VRK1: variants seen among roughly 807,000 people sequenced by gnomAD.
The protein encoded by VRK1 is VRK serine/threonine kinase 1.
A neutral mutation model predicts 57.1 loss-of-function variants in VRK1; 33 were observed. The ratio of observed to expected loss-of-function variants is 0.58; its 90% confidence interval spans 0.44 to 0.77. The LOEUF (loss-of-function observed/expected upper bound fraction) is 0.77, where lower values mean the gene tolerates loss of function less well. VRK1 is among the 30% of genes least tolerant of loss of function. The pLI is 0.00. For missense variants in VRK1, 413 were observed against 477.3 expected, an observed-to-expected ratio of 0.87 and a Z score of 1.25; for synonymous variants, 137 against 147.8, an observed-to-expected ratio of 0.93 and a Z score of 0.53.
intron 11 of VRK1, among the ~76,000 whole-genome samples, chr14:96,867,590 T>C (rs1888636484): frequency 6.6e-6 from 1 of 152,146 alleles, no homozygotes; most frequent in African/African-American, 2.4e-5. Flanking sequence ...GCTTGAACAA[T>C]TTATTTTCTG....
chr14:96,819,256 A>G (rs1886506473), intron 1 of VRK1, among the ~76,000 whole-genome samples: 1 of 152,230 alleles, frequency 6.6e-6, no homozygotes, highest in Admixed American at 6.5e-5. Flanking sequence ...CTCCTCCTAA[A>G]TCACTCATGA....
intron 7 of VRK1, 72 bp downstream of exon 7, chr14:96,853,238 T>C: frequency 7.3e-7 from 1 of 1,364,212 alleles, no homozygotes; most frequent in Non-Finnish European, 1.0e-6. Context: ...CTTTGAACTT[T>C]TGAACCTGTG....
rs554160230 is a variant in VRK1 at position 96,810,497 on chromosome 14, A to G, written c.-6+13050A>G. 4.1e-4 allele frequency among the ~76,000 whole-genome samples: 62 copies of G among 152,330 alleles called. No homozygotes were observed. The South Asian group carries it at 8.1e-3, about 20-fold the overall frequency. ...GGAATTTGTTTGTGTGTTATGAGGT[A>G]GGGATCAAGCCTTCTTTTACTTTTT... On this transcript the variant is annotated intron_variant, in intron 1 of 12. Transcript: ENST00000216639.
At chr14:96,823,182 G>A (rs985269641) in intron 1 of VRK1, among the ~76,000 whole-genome samples, 14 of 152,094 alleles carry the variant, frequency 9.2e-5, no homozygotes, top group African/African-American at 3.4e-4. Flanking sequence ...AACATGACTG[G>A]ATTTTCTGAA....
At chr14:96,847,772 C>A (rs1011002178) in intron 5 of VRK1, among the ~76,000 whole-genome samples, 1 of 152,188 alleles carries the variant, frequency 6.6e-6, no homozygotes, top group South Asian at 2.1e-4. Flanking sequence ...TCTGCCCACA[C>A]AAGATTAGGC....
At chr14:96,850,291 T>C (rs980203646) in intron 5 of VRK1, among the ~76,000 whole-genome samples, 10 of 152,218 alleles carry the variant, frequency 6.6e-5, no homozygotes, top group African/African-American at 2.2e-4. Flanking sequence ...TTAATATGTA[T>C]GTAGGGCTTA....
chr14:96,846,081 T>C lies in VRK1; in HGVS notation c.217-14T>C. Reference sequence around the variant, plus strand: ...TTAACTACTGCTAGTACTAATTAACTCTTATATTTTAAGGAACCCAGTGAC... The same window carrying C: ...TTAACTACTGCTAGTACTAATTAACCCTTATATTTTAAGGAACCCAGTGAC... On this transcript the variant is annotated splice_polypyrimidine_tract_variant and intron_variant, in intron 3 of 12. Coordinates refer to ENST00000216639, the MANE Select transcript of VRK1 (RefSeq NM_003384.3). The C allele has an allele frequency of 4.3e-6, 7 of 1,610,386 alleles. No individual in the cohort carries two copies. The highest frequency in any genetic ancestry group is 5.9e-6 in the Non-Finnish European group (7 of 1,176,834).
chr14:96,840,641 G>A (rs745498274), intron 3 of VRK1, among the ~76,000 whole-genome samples: 11 of 152,158 alleles, frequency 7.2e-5, no homozygotes, highest in South Asian at 2.1e-4. Flanking sequence ...GGTAAGATGA[G>A]TTTCTTCTTA....
chr14:96,869,492 T>C (rs1171455022), intron 11 of VRK1, among the ~76,000 whole-genome samples: 1 of 152,236 alleles, frequency 6.6e-6, no homozygotes, highest in Non-Finnish European at 1.5e-5. Flanking sequence ...TTGTTTTGAA[T>C]AGTAAACGAT....
chr14:96,817,980 C>T (rs1886457689), intron 1 of VRK1, among the ~76,000 whole-genome samples: 1 of 151,200 alleles, frequency 6.6e-6, no homozygotes, highest in Non-Finnish European at 1.5e-5. Flanking sequence ...AACAGTGATT[C>T]TGTTTTCTGG....
intron 1 of VRK1, among the ~76,000 whole-genome samples, chr14:96,831,787 A>G (rs1052707730): frequency 6.6e-6 from 1 of 152,216 alleles, no homozygotes; most frequent in Non-Finnish European, 1.5e-5. Context: ...CAAATAAGAG[A>G]TTACTCTGAT....
At chr14:96,804,571 AAG>A (rs1467969582) in intron 1 of VRK1, among the ~76,000 whole-genome samples, 4 of 152,216 alleles carry the variant, frequency 2.6e-5, no homozygotes, top group Admixed American at 6.5e-5. Context: ...GTGAAAAAGA[AAG>A]AGTATATAAA....
intron 1 of VRK1, among the ~76,000 whole-genome samples, chr14:96,822,080 C>CT (rs71103555): frequency 0.012 from 1,752 of 141,682 alleles, 22 homozygotes; most frequent in African/African-American, 0.032. Flanking sequence ...CTGTCCCTGC[C>CT]TTTTTTTTTT....
At chr14:96,825,502 C>T (rs1181604072) in intron 1 of VRK1, among the ~76,000 whole-genome samples, 6 of 152,168 alleles carry the variant, frequency 3.9e-5, no homozygotes, top group Non-Finnish European at 1.5e-5. Flanking sequence ...TTCCTGCTAA[C>T]TACAATGTAT....
At chr14:96,859,224 T>C (rs1454220336) in intron 10 of VRK1, among the ~76,000 whole-genome samples, 5 of 152,098 alleles carry the variant, frequency 3.3e-5, no homozygotes, top group African/African-American at 9.7e-5. Flanking sequence ...TATATTTACC[T>C]TGCATTTTAC....
chr14:96,844,784 C>T (rs532067323), intron 3 of VRK1, among the ~76,000 whole-genome samples: 5 of 152,104 alleles, frequency 3.3e-5, no homozygotes, highest in Admixed American at 2.0e-4. Context: ...TCAAGTGATC[C>T]GCCCGTCTTG....
In VRK1 at chr14:96,855,375, A is replaced by C; in HGVS notation, c.709+19A>C. On this transcript the variant is annotated intron_variant, in intron 8 of 12. Coordinates refer to ENST00000216639, the MANE Select transcript of VRK1 (RefSeq NM_003384.3). Reference sequence around the variant, plus strand: ...GGCGTGGGTATGTCAGTAGTACTGGAGTGAGAAATAGACTGCTAATGTTTT... The same window carrying C: ...GGCGTGGGTATGTCAGTAGTACTGGCGTGAGAAATAGACTGCTAATGTTTT... The C allele has an allele frequency of 6.2e-7, 1 of 1,613,914 alleles. No homozygotes were observed. Among genetic ancestry groups the C allele is most frequent in the Non-Finnish European group, 8.5e-7 (1 of 1,179,806 alleles).
intron 12 of VRK1, among the ~76,000 whole-genome samples, chr14:96,879,657 A>C (rs1216712518): frequency 6.6e-6 from 1 of 152,084 alleles, no homozygotes; most frequent in Non-Finnish European, 1.5e-5. Context: ...GGCCGGGCGC[A>C]GTGGCTCATG....
intron 1 of VRK1, among the ~76,000 whole-genome samples, chr14:96,826,972 T>C (rs961814002): frequency 1.3e-5 from 2 of 152,078 alleles, no homozygotes; most frequent in African/African-American, 4.8e-5. Flanking sequence ...TATGGGAGGA[T>C]GCTGAAAGGG....
Sources: allele counts gnomAD v4.1 joint callset (sites outside exome capture counted in the v4.1 genomes callset), GRCh38; gene constraint gnomAD v4.1.1; transcripts MANE v1.5; gene names NCBI Gene and HGNC (gene_info 2026-07-23, HGNC 2026-07-21).